Variants in ABCB7 observed in about 807,000 individuals in gnomAD.
ABCB7 encodes the protein ATP binding cassette subfamily B member 7.
ABCB7 carries 7 observed loss-of-function variants against 54.4 expected under a neutral mutation model. The ratio of observed to expected loss-of-function variants is 0.13; its 90% confidence interval spans 0.07 to 0.24. The LOEUF is 0.24. ABCB7 is among the 10% of genes least tolerant of loss of function. The pLI is 1.00. For missense variants in ABCB7, 356 were observed against 570.4 expected (o/e 0.62, Z 3.83); for synonymous variants, 218 against 207.1 (o/e 1.05, Z -0.45).
intron 3 of ABCB7, among the ~76,000 whole-genome samples, chrX:75,111,967 TTTA>T (rs2081764589): frequency 8.9e-6 from 1 of 111,953 alleles, no homozygotes; most frequent in African/African-American, 3.2e-5. Flanking sequence ...TATTTTAAAA[TTTA>T]TTTTATGATA....
Position 75,063,243 on chromosome X carries a change from C to G in ABCB7, c.1832-812G>C, listed in dbSNP as rs762319165. Among the ~76,000 whole-genome samples, 8 of 110,901 alleles carry G rather than the reference C, an allele frequency of 7.2e-5. No individual in the cohort carries two copies. In the East Asian group the frequency reaches 2.3e-3, roughly 31 times the overall value. ...GTGAAATGTATAGAAACCTTTATTACTGAGACTACTGTAGGTCTAAGGTCA... is the reference window on the plus strand; with the variant it reads ...GTGAAATGTATAGAAACCTTTATTAGTGAGACTACTGTAGGTCTAAGGTCA... On this transcript the variant is annotated intron_variant, in intron 13 of 15. Transcript: ENST00000373394.
chrX:75,069,507 T>TACGAAG, intron 10 of ABCB7, 53 bp from the exon 11 acceptor site: 1 of 1,122,391 alleles, frequency 8.9e-7, no homozygotes, highest in Non-Finnish European at 1.2e-6. Flanking sequence ...AGAGTACAGC[T>TACGAAG]ACGAAGACAA....
chrX:75,112,827 A>C, intron 3 of ABCB7, 59 bp downstream of exon 3: 1 of 921,046 alleles, frequency 1.1e-6, no homozygotes, highest in South Asian at 2.0e-5. Context: ...TTAAATACAT[A>C]TATCTTCTGT....
chrX:75,057,504 CT>C (rs752102995), intron 15 of ABCB7, among the ~76,000 whole-genome samples: 1 of 108,385 alleles, frequency 9.2e-6, no homozygotes, highest in Admixed American at 1.0e-4. Context: ...TTACAGGTTA[CT>C]TTTTTTTTCT....
chrX:75,076,741 G>A, intron 4 of ABCB7, 87 bp from the exon 5 acceptor site: 1 of 1,004,676 alleles, frequency 1.0e-6, no homozygotes, highest in Non-Finnish European at 1.4e-6. Flanking sequence ...TAGTACTTAT[G>A]GTAATGTTTA....
intron 3 of ABCB7, among the ~76,000 whole-genome samples, chrX:75,100,280 G>A (rs1490566333): frequency 7.3e-5 from 8 of 110,254 alleles, no homozygotes; most frequent in Non-Finnish European, 1.3e-4. Flanking sequence ...CCTGCAATCA[G>A]ATTTCCCTTC....
chrX:75,112,573 T>C (rs1706392461), intron 3 of ABCB7, among the ~76,000 whole-genome samples: 1 of 111,710 alleles, frequency 9.0e-6, no homozygotes, highest in Admixed American at 9.5e-5. Flanking sequence ...CAAATTGTTT[T>C]TTAGGTGCTA....
chrX:75,108,049 G>C (rs1202512886), intron 3 of ABCB7, among the ~76,000 whole-genome samples: 1 of 111,215 alleles, frequency 9.0e-6, no homozygotes, highest in African/African-American at 3.3e-5. Context: ...GGGGACATTG[G>C]GGGTAGTCTG....
rs1441686098 is a variant in ABCB7, at chrX:75,075,727, T to G, written c.587-97A>C. ...GCTCAGAAAATGTTTGTACAATGAG[T>G]AATTCAGTGAATGAATATATCACAG... On this transcript the variant is annotated intron_variant, in intron 5 of 15. Transcript: ENST00000373394. The G allele has an allele frequency of 2.1e-5, 17 of 813,529 alleles. No individual in the cohort carries two copies. The African/African-American group carries it at 2.9e-4, about 14-fold the overall frequency. 67.0% of individuals were successfully genotyped at this position (813,529 alleles called of 1,213,427 possible). A position where few individuals can be genotyped will look rare whatever the true frequency, so the allele number is the denominator to read the frequency against.
At chrX:75,109,719 G>A (rs1320444245) in intron 3 of ABCB7, among the ~76,000 whole-genome samples, 1 of 111,556 alleles carries the variant, frequency 9.0e-6, no homozygotes, top group East Asian at 2.8e-4. Context: ...AAAAATATGA[G>A]CTATAGGCTG....
chrX:75,119,803 T>C (rs768248521), intron 1 of ABCB7, among the ~76,000 whole-genome samples: 1 of 112,132 alleles, frequency 8.9e-6, no homozygotes, highest in African/African-American at 3.2e-5. Context: ...TGTACAATTG[T>C]ATGCCACAGA....
At chrX:75,153,647 C>T (rs1455470881) in intron 1 of ABCB7, among the ~76,000 whole-genome samples, 2 of 106,988 alleles carry the variant, frequency 1.9e-5, no homozygotes, top group Admixed American at 2.0e-4. Flanking sequence ...AAAGAACTAC[C>T]ATATTCCACA....
At chrX:75,120,480 G>A (rs954501790) in intron 1 of ABCB7, among the ~76,000 whole-genome samples, 13 of 110,011 alleles carry the variant, frequency 1.2e-4, no homozygotes, top group African/African-American at 4.0e-4. Context: ...GTGGTGGTGG[G>A]TGCCTGTAAT....
rs760170076 is a variant in ABCB7 at position 75,131,440 on chromosome X, G to A, written c.169-16609C>T. ...ATAAATGGTTTAAAAAGCATATGAT[G>A]GGGGAGATGGCAGGGCAGTGGACGT... On this transcript the variant is annotated intron_variant, in intron 1 of 15. Transcript: ENST00000373394. Among the ~76,000 whole-genome samples the A allele has an allele frequency of 8.1e-5, 9 of 111,195 alleles. No homozygotes were observed. In the East Asian group the frequency reaches 8.4e-4, roughly 10 times the overall value.
At chrX:75,106,979 C>G (rs767860488) in intron 3 of ABCB7, among the ~76,000 whole-genome samples, 3 of 110,932 alleles carry the variant, frequency 2.7e-5, no homozygotes, top group Non-Finnish European at 5.7e-5. Context: ...ATAGAAAAAA[C>G]AGTCCTAAAT....
chrX:75,110,216 G>A (rs371506296), intron 3 of ABCB7, among the ~76,000 whole-genome samples: 2 of 111,670 alleles, frequency 1.8e-5, no homozygotes, highest in Non-Finnish European at 3.8e-5. Context: ...AGAACTACCC[G>A]CCAGACTGAT....
chrX:75,105,792 C>A (rs1048011320), intron 3 of ABCB7, among the ~76,000 whole-genome samples: 1 of 111,799 alleles, frequency 8.9e-6, no homozygotes, highest in African/African-American at 3.2e-5. Context: ...ACAGCCTGTA[C>A]TGGTATAAAA....
In ABCB7 at chrX:75,107,851, G is replaced by A. The variant is rs183965030; in HGVS notation, c.333+5035C>T. 4.1e-4 allele frequency among the ~76,000 whole-genome samples: 45 copies of A among 110,777 alleles called. No individual in the cohort carries two copies. In the East Asian group the frequency reaches 0.012, roughly 28 times the overall value. The stretch of plus-strand genomic sequence containing the variant: ...GAAGGGAACTTTGTCTTGCACCTTA[G>A]GTACCAGCACAGCCACAGAGGGGTA... On this transcript the variant is annotated intron_variant, in intron 3 of 15. Coordinates refer to ENST00000373394, the MANE Select transcript of ABCB7 (RefSeq NM_001271696.3).
At chrX:75,065,289 T>C in intron 12 of ABCB7, 48 bp from the exon 13 acceptor site, 13 of 1,047,932 alleles carry the variant, frequency 1.2e-5, no homozygotes, top group Non-Finnish European at 1.7e-5. Flanking sequence ...TATATATCTC[T>C]CTCTATTTAT....
Sources: allele counts gnomAD v4.1 joint callset (sites outside exome capture counted in the v4.1 genomes callset), GRCh38; gene constraint gnomAD v4.1.1; transcripts MANE v1.5; gene names NCBI Gene and HGNC (gene_info 2026-07-23, HGNC 2026-07-21).